The following CYP39A1 variants were observed in gnomAD, a reference collection of about 807,000 sequenced individuals.
CYP39A1 encodes the protein cytochrome P450 family 39 subfamily A member 1.
Under a neutral mutation model 58.1 loss-of-function variants are expected in CYP39A1, and 49 were observed. The ratio of observed to expected loss-of-function variants is 0.84; its 90% CI spans 0.67 to 1.07. The LOEUF (loss-of-function observed/expected upper bound fraction) is 1.07, where lower values mean the gene tolerates loss of function less well. Ranked by LOEUF, CYP39A1 falls within the 50% of genes least tolerant of loss-of-function variation. The pLI is 0.00. For synonymous variants in CYP39A1, 209 were observed against 187.6 expected (o/e 1.11, Z -0.93); for missense variants, 531 against 539.4 (o/e 0.98, Z 0.16).
chr6:46,608,311 T>C (rs1300351098), intron 7 of CYP39A1, among the ~76,000 whole-genome samples: 1 of 152,230 alleles, frequency 6.6e-6, no homozygotes, highest in Non-Finnish European at 1.5e-5. Flanking sequence ...GATTTCTGGC[T>C]TATTTTCTCA....
chr6:46,615,321 C>A (rs1427827436), intron 7 of CYP39A1, among the ~76,000 whole-genome samples: 5 of 151,462 alleles, frequency 3.3e-5, no homozygotes, highest in Non-Finnish European at 4.4e-5. Flanking sequence ...ATAAACATAA[C>A]ATATATTTAT....
intron 7 of CYP39A1, among the ~76,000 whole-genome samples, chr6:46,613,939 C>CAAAAAAA (rs34289054): frequency 8.3e-6 from 1 of 121,078 alleles, no homozygotes; most frequent in African/African-American, 2.7e-5. Context: ...CACAAAGAAG[C>CAAAAAAA]AAAAAAAAAA....
chr6:46,589,473 C>A (rs1475203405), intron 8 of CYP39A1, among the ~76,000 whole-genome samples: 1 of 151,748 alleles, frequency 6.6e-6, no homozygotes, highest in Non-Finnish European at 1.5e-5. Context: ...AAAAATATGT[C>A]TTTTACTGGT....
intron 7 of CYP39A1, among the ~76,000 whole-genome samples, chr6:46,616,163 T>C (rs1371951709): frequency 0.037 from 221 of 5,996 alleles, no homozygotes; most frequent in African/African-American, 0.066. Flanking sequence ...TTTCTTTCTT[T>C]TTTCTTTCTT....
At chr6:46,625,547 T>C (rs111269453) in intron 6 of CYP39A1, 39 bp from the exon 7 acceptor site, 5 of 1,485,724 alleles carry the variant, frequency 3.4e-6, no homozygotes, top group South Asian at 2.3e-5. Flanking sequence ...ATGAACTTCT[T>C]TGAAGGTGAA....
chr6:46,610,110 T>C (rs944563728), intron 7 of CYP39A1, among the ~76,000 whole-genome samples: 52 of 152,224 alleles, frequency 3.4e-4, no homozygotes, highest in Non-Finnish European at 8.8e-5. Context: ...TGGGAAATTT[T>C]GTCTTGACAA....
At chr6:46,591,733 T>TA (rs957165173) in intron 8 of CYP39A1, among the ~76,000 whole-genome samples, 8 of 151,944 alleles carry the variant, frequency 5.3e-5, no homozygotes, top group African/African-American at 1.4e-4. Context: ...TTAAGAAGTT[T>TA]AAAAAAAACC....
At chr6:46,583,710 C>T (rs1772290089) in intron 10 of CYP39A1, 8 of 449,124 alleles carry the variant, frequency 1.8e-5, no homozygotes, top group Non-Finnish European at 2.4e-5. Context: ...ACTTTCAGAA[C>T]CCCCACGAAT....
intron 10 of CYP39A1, among the ~76,000 whole-genome samples, chr6:46,567,476 G>A (rs1561954560): frequency 6.6e-6 from 1 of 151,912 alleles, no homozygotes; most frequent in Non-Finnish European, 1.5e-5. Flanking sequence ...GTTTCCTTTG[G>A]ATATATATCC....
At chr6:46,605,747 G>T (rs1310656654) in intron 7 of CYP39A1, among the ~76,000 whole-genome samples, 1 of 152,086 alleles carries the variant, frequency 6.6e-6, no homozygotes, top group Non-Finnish European at 1.5e-5. Flanking sequence ...AACCAAGGTG[G>T]TTCCAGCAAG....
At chr6:46,573,249 G>C (rs1582314226) in intron 10 of CYP39A1, among the ~76,000 whole-genome samples, 1 of 152,072 alleles carries the variant, frequency 6.6e-6, no homozygotes, top group Non-Finnish European at 1.5e-5. Flanking sequence ...AATGATATCT[G>C]TGCATTTGAG....
intron 1 of CYP39A1, among the ~76,000 whole-genome samples, chr6:46,647,373 G>A (rs573931037): frequency 6.6e-6 from 1 of 152,278 alleles, no homozygotes; most frequent in South Asian, 2.1e-4. Flanking sequence ...ATGACTACAG[G>A]TAAGACTTCA....
At chr6:46,637,062 G>A (rs1022063048) in intron 4 of CYP39A1, among the ~76,000 whole-genome samples, 1 of 152,192 alleles carries the variant, frequency 6.6e-6, no homozygotes, top group Non-Finnish European at 1.5e-5. Context: ...CTTATGAACA[G>A]GGTCTGAGGG....
At chr6:46,630,142 C>G (rs1775563201) in intron 6 of CYP39A1, among the ~76,000 whole-genome samples, 1 of 149,348 alleles carries the variant, frequency 6.7e-6, no homozygotes, top group Non-Finnish European at 1.5e-5. Context: ...AAAAAACCCA[C>G]AAAAAACAGT....
At chr6:46,562,115 T>TCCC (rs1771012122) in intron 10 of CYP39A1, among the ~76,000 whole-genome samples, 6 of 140,478 alleles carry the variant, frequency 4.3e-5, no homozygotes, top group Non-Finnish European at 7.4e-5. Context: ...CTCCGCCTCC[T>TCCC]GGGTTCAAGT....
chr6:46,643,692 G>A (rs1776479871), intron 1 of CYP39A1, among the ~76,000 whole-genome samples: 1 of 152,186 alleles, frequency 6.6e-6, no homozygotes, highest in South Asian at 2.1e-4. Context: ...GATAATTGTT[G>A]ATGTGAGGCA....
chr6:46,603,411 C>G (rs1773635020), intron 7 of CYP39A1, among the ~76,000 whole-genome samples: 1 of 152,194 alleles, frequency 6.6e-6, no homozygotes, highest in Non-Finnish European at 1.5e-5. Flanking sequence ...TCCTCTATCA[C>G]CTCTTTCACA....
At chr6:46,586,599 C>G (rs1459561604) in intron 10 of CYP39A1, 1 of 983,680 alleles carries the variant, frequency 1.0e-6, no homozygotes, top group African/African-American at 1.7e-5. Flanking sequence ...ATTAATTTAA[C>G]TATAAAAGGT....
chr6:46,577,658 C>T (rs973668630), intron 10 of CYP39A1, among the ~76,000 whole-genome samples: 6 of 151,870 alleles, frequency 4.0e-5, no homozygotes, highest in African/African-American at 1.5e-4. Context: ...GACTTTAAAC[C>T]AACAATGCTC....
Sources: gnomAD v4.1 joint callset for allele counts (sites outside exome capture counted in the v4.1 genomes callset) on GRCh38, gnomAD v4.1.1 for gene constraint, MANE v1.5 for transcripts, NCBI Gene and HGNC (gene_info 2026-07-23, HGNC 2026-07-21) for gene names.